PCDH11Y: variants seen among roughly 807,000 people sequenced by gnomAD.
PCDH11Y encodes the protein protocadherin 11 Y-linked, also known as protocadherin-11 Y-linked.
For missense variants in PCDH11Y, 12 were observed against 224.8 expected (o/e 0.05, Z 6.05); for synonymous variants, 9 against 83.6 (o/e 0.11, Z 4.87).
intron 3 of PCDH11Y, among the ~76,000 whole-genome samples, chrY:5,042,977 C>A: frequency 1.2e-4 from 4 of 32,312 alleles, no homozygotes; most frequent in African/African-American, 2.4e-4. Context: ...TGAGACTTTG[C>A]TGAAGTTGTT....
chrY:5,603,865 AAGAAAGAAAG>A (rs2053475746), intron 4 of PCDH11Y, among the ~76,000 whole-genome samples: 1 of 17,817 alleles, frequency 5.6e-5, no homozygotes, highest in Non-Finnish European at 1.3e-4. Context: ...AAAAGAAAGA[AAGAAAGAAAG>A]AAAGAAAGAA....
chrY:5,710,000 C>T (rs1419828907), intron 4 of PCDH11Y, among the ~76,000 whole-genome samples: 635 of 32,552 alleles, frequency 0.02, no homozygotes, highest in Non-Finnish European at 0.037. Context: ...CTACACTACC[C>T]ATTGAATTCT....
At chrY:5,070,770 G>T in intron 1 of PCDH11Y, among the ~76,000 whole-genome samples, 2 of 31,721 alleles carry the variant, frequency 6.3e-5, no homozygotes, top group Admixed American at 5.7e-4. Context: ...TGTCTTGGGG[G>T]TTTATTGTAC....
At chrY:5,369,708 A>G in intron 2 of PCDH11Y, among the ~76,000 whole-genome samples, 1 of 32,302 alleles carries the variant, frequency 3.1e-5, no homozygotes. Context: ...CACAACCATT[A>G]GAAATTTATG....
chrY:5,722,349 T>G, intron 4 of PCDH11Y, among the ~76,000 whole-genome samples: 1 of 32,357 alleles, frequency 3.1e-5, no homozygotes, highest in South Asian at 6.8e-4. Context: ...AATGTTTGCC[T>G]TGTTTTTTGT....
At chrY:5,274,571 C>T in intron 2 of PCDH11Y, among the ~76,000 whole-genome samples, 1 of 34,146 alleles carries the variant, frequency 2.9e-5, no homozygotes, top group African/African-American at 1.1e-4. Context: ...TCTCGAACTC[C>T]TGACCTCAGG....
intron 4 of PCDH11Y, among the ~76,000 whole-genome samples, chrY:5,653,368 A>G: frequency 3.0e-5 from 1 of 33,097 alleles, no homozygotes; most frequent in Non-Finnish European, 7.4e-5. Context: ...CCTTGAAAAA[A>G]TATTAGACGA....
chrY:5,438,612 ATTCTTCTAGTT>A (rs2053277426), intron 2 of PCDH11Y, among the ~76,000 whole-genome samples: 1 of 33,304 alleles, frequency 3.0e-5, no homozygotes, highest in Non-Finnish European at 7.4e-5. Context: ...ACTTGGTGAC[ATTCTTCTAGTT>A]TTCTTCAAAT....
intron 2 of PCDH11Y, among the ~76,000 whole-genome samples, chrY:5,156,881 T>C: frequency 3.3e-5 from 1 of 30,467 alleles, no homozygotes; most frequent in African/African-American, 1.3e-4. Context: ...AGAAACTCTT[T>C]TGATGTATAA....
At chrY:5,479,830 A>T (rs2053323700) in intron 2 of PCDH11Y, among the ~76,000 whole-genome samples, 23 of 33,219 alleles carry the variant, frequency 6.9e-4, no homozygotes, top group Non-Finnish European at 5.2e-4. Flanking sequence ...TTGGCTATTG[A>T]TACTTGTGTA....
chrY:5,089,751 C>T (rs2052737796), intron 1 of PCDH11Y, among the ~76,000 whole-genome samples: 2 of 33,456 alleles, frequency 6.0e-5, no homozygotes, highest in East Asian at 7.8e-4. Context: ...TTTATTATGA[C>T]GTCCATTTAA....
chrY:5,231,030 A>C, intron 2 of PCDH11Y, among the ~76,000 whole-genome samples: 1 of 32,031 alleles, frequency 3.1e-5, no homozygotes, highest in Non-Finnish European at 7.5e-5. Flanking sequence ...AGTTTATCAG[A>C]TAGAATTCTA....
At chrY:5,270,185 A>C in intron 2 of PCDH11Y, among the ~76,000 whole-genome samples, 1 of 26,961 alleles carries the variant, frequency 3.7e-5, no homozygotes, top group South Asian at 8.9e-4. Context: ...TTCAGTTGAC[A>C]TTTACAATTT....
chrY:5,064,996 C>T, intron 1 of PCDH11Y, among the ~76,000 whole-genome samples: 1 of 33,101 alleles, frequency 3.0e-5, no homozygotes, highest in African/African-American at 1.2e-4. Context: ...TGGTTACAGG[C>T]ATGAGCCATC....
At chrY:5,336,269 T>G in intron 2 of PCDH11Y, among the ~76,000 whole-genome samples, 1 of 31,535 alleles carries the variant, frequency 3.2e-5, no homozygotes, top group Admixed American at 3.0e-4. Context: ...TTCTTTTATT[T>G]ATTTATTTAT....
chrY:5,064,667 TGTG>T (rs2052683192), intron 1 of PCDH11Y, among the ~76,000 whole-genome samples: 1 of 11,719 alleles, frequency 8.5e-5, no homozygotes, highest in Admixed American at 6.0e-4. Flanking sequence ...CATACATACT[TGTG>T]TGTGTGTGTG....
intron 3 of PCDH11Y, among the ~76,000 whole-genome samples, chrY:5,040,649 G>C: frequency 3.3e-5 from 1 of 30,644 alleles, no homozygotes; most frequent in African/African-American, 1.3e-4. Context: ...GAAGGCTAAT[G>C]ATAAATCATT....
chrY:5,378,945 T>C, intron 2 of PCDH11Y, among the ~76,000 whole-genome samples: 1 of 33,314 alleles, frequency 3.0e-5, no homozygotes, highest in African/African-American at 1.2e-4. Flanking sequence ...TTAATGCCTG[T>C]GGAAATTTTT....
In PCDH11Y at chrY:5,407,746, T is replaced by C. The variant is rs371901480; in HGVS notation, c.3130-93311T>C. The stretch of plus-strand genomic sequence containing the variant: ...GGCTAACAAGGTGAAACCCCGTCTC[T>C]ACTAAAAAAAATACAAAAAATTAGC... On this transcript the variant is annotated intron_variant, in intron 2 of 4. Transcript: ENST00000400457. Among the ~76,000 whole-genome samples the C allele has an allele frequency of 4.6e-3, 138 of 30,010 alleles. No homozygotes were observed. In the East Asian group the frequency reaches 0.11, roughly 24 times the overall value. 80.5% of individuals were successfully genotyped at this position (30,010 alleles called of 37,273 possible).
Sources: gnomAD v4.1 joint callset for allele counts (sites outside exome capture counted in the v4.1 genomes callset) on GRCh38, gnomAD v4.1.1 for gene constraint, MANE v1.5 for transcripts, NCBI Gene and HGNC (gene_info 2026-07-23, HGNC 2026-07-21) for gene names.